The following SYNDIG1 variants were observed in gnomAD, a reference collection of about 807,000 sequenced individuals.
SYNDIG1 encodes synapse differentiation inducing 1.
In SYNDIG1, 9 loss-of-function variants were observed where a neutral mutation model predicts 19.4. The observed-to-expected ratio is 0.46, with a 90% confidence interval of 0.28 to 0.81. SYNDIG1 has a LOEUF of 0.81. SYNDIG1 is among the 30% of genes least tolerant of loss of function. The pLI is 0.12. For synonymous variants in SYNDIG1, 141 were observed against 145.9 expected (o/e 0.97, Z 0.24); for missense variants, 311 against 343.3 (o/e 0.91, Z 0.74).
At chr20:24,584,029 A>G (rs1341642798) in intron 2 of SYNDIG1, among the ~76,000 whole-genome samples, 1 of 152,192 alleles carries the variant, frequency 6.6e-6, no homozygotes, top group African/African-American at 2.4e-5. Context: ...TGAACCTAAA[A>G]AAAACTTTTT....
rs555084713 is a variant in SYNDIG1 at position 24,612,585 on chromosome 20, T to C, written c.618+27592T>C. Among the ~76,000 whole-genome samples, 51 of 152,330 alleles carry C rather than the reference T, an allele frequency of 3.3e-4. No homozygotes were observed. The South Asian group carries it at 3.5e-3, about 11-fold the overall frequency. On this transcript the variant is annotated intron_variant, in intron 3 of 3. Coordinates refer to ENST00000376862, the MANE Select transcript of SYNDIG1 (RefSeq NM_024893.3). The stretch of plus-strand genomic sequence containing the variant: ...TTATTTCCCAGTAACTTAACAGAAT[T>C]CAAAAGCTAGGAGAAAAGGCTTAAA...
chr20:24,536,801 A>G (rs2057370688), intron 1 of SYNDIG1, among the ~76,000 whole-genome samples: 1 of 152,166 alleles, frequency 6.6e-6, no homozygotes, highest in Non-Finnish European at 1.5e-5. Context: ...GGATGAGGCT[A>G]CACATTTTGC....
At chr20:24,557,872 C>T (rs565080670) in intron 2 of SYNDIG1, among the ~76,000 whole-genome samples, 4 of 152,304 alleles carry the variant, frequency 2.6e-5, no homozygotes, top group Non-Finnish European at 4.4e-5. Flanking sequence ...CCGTCTTCTG[C>T]GTCGCTCATG....
chr20:24,615,196 C>T (rs2058911469), intron 3 of SYNDIG1, among the ~76,000 whole-genome samples: 1 of 152,208 alleles, frequency 6.6e-6, no homozygotes, highest in South Asian at 2.1e-4. Flanking sequence ...AATAGCCTGC[C>T]TCTCCTGTGT....
intron 3 of SYNDIG1, among the ~76,000 whole-genome samples, chr20:24,592,600 T>C (rs1568668760): frequency 6.6e-6 from 1 of 152,148 alleles, no homozygotes; most frequent in Non-Finnish European, 1.5e-5. Context: ...GCCCCCACTT[T>C]CCAGGTTTTT....
chr20:24,586,860 C>T (rs1046739831), intron 3 of SYNDIG1, among the ~76,000 whole-genome samples: 4 of 152,162 alleles, frequency 2.6e-5, no homozygotes, highest in Non-Finnish European at 4.4e-5. Context: ...TCTGCTGCTC[C>T]GTGTGTTCAG....
intron 3 of SYNDIG1, among the ~76,000 whole-genome samples, chr20:24,651,714 C>G (rs990381628): frequency 6.6e-6 from 1 of 152,218 alleles, no homozygotes; most frequent in Non-Finnish European, 1.5e-5. Context: ...ATCCTTTCCC[C>G]TTGAATCTGG....
At chr20:24,480,306 T>G (rs537581274) in intron 1 of SYNDIG1, among the ~76,000 whole-genome samples, 227 of 152,356 alleles carry the variant, frequency 1.5e-3, no homozygotes, top group African/African-American at 5.1e-3. Context: ...TTATATTGCC[T>G]TTTGAGCTTG....
intron 3 of SYNDIG1, among the ~76,000 whole-genome samples, chr20:24,586,645 C>G (rs1192756465): frequency 6.6e-6 from 1 of 152,206 alleles, no homozygotes; most frequent in Non-Finnish European, 1.5e-5. Flanking sequence ...CGAAGCCTCC[C>G]TTGTACACTC....
chr20:24,509,215 T>A (rs903418130), intron 1 of SYNDIG1, among the ~76,000 whole-genome samples: 6 of 152,210 alleles, frequency 3.9e-5, no homozygotes, highest in African/African-American at 1.4e-4. Flanking sequence ...TGTATGTATA[T>A]GTGTGTGTGT....
At chr20:24,643,798 A>T (rs2059400797) in intron 3 of SYNDIG1, among the ~76,000 whole-genome samples, 1 of 152,242 alleles carries the variant, frequency 6.6e-6, no homozygotes, top group Admixed American at 6.5e-5. Flanking sequence ...TGTCATACAG[A>T]ATAGTTTCAG....
intron 3 of SYNDIG1, among the ~76,000 whole-genome samples, chr20:24,653,399 T>G (rs1232812563): frequency 6.6e-6 from 1 of 152,004 alleles, no homozygotes; most frequent in African/African-American, 2.4e-5. Flanking sequence ...GCAGTGCATT[T>G]CTAAGTTGTA....
At chr20:24,635,386 T>C (rs1309983821) in intron 3 of SYNDIG1, among the ~76,000 whole-genome samples, 2 of 152,184 alleles carry the variant, frequency 1.3e-5, no homozygotes, top group Admixed American at 1.3e-4. Flanking sequence ...CTTTCTGCCT[T>C]TCCGAACGCG....
At chr20:24,603,511 T>C (rs1334824663) in intron 3 of SYNDIG1, among the ~76,000 whole-genome samples, 1 of 152,108 alleles carries the variant, frequency 6.6e-6, no homozygotes, top group Non-Finnish European at 1.5e-5. Context: ...AGGCGTGCCC[T>C]GAGTGGGACA....
chr20:24,497,814 G>T (rs140499878), intron 1 of SYNDIG1, among the ~76,000 whole-genome samples: 1 of 152,224 alleles, frequency 6.6e-6, no homozygotes, highest in African/African-American at 2.4e-5. Context: ...TGGCCCCAGA[G>T]TGTATTTGAA....
intron 3 of SYNDIG1, among the ~76,000 whole-genome samples, chr20:24,665,137 G>A (rs1004879264): frequency 6.6e-6 from 1 of 152,090 alleles, no homozygotes; most frequent in African/African-American, 2.4e-5. Flanking sequence ...CCTGCGGTGT[G>A]GGGGAGCAGC....
At chr20:24,603,441 G>T (rs369417381) in intron 3 of SYNDIG1, among the ~76,000 whole-genome samples, 3 of 152,104 alleles carry the variant, frequency 2.0e-5, no homozygotes, top group African/African-American at 7.2e-5. Flanking sequence ...GTTCACAAGA[G>T]GTGTTAATTC....
At chr20:24,575,004 T>C (rs553929433) in intron 2 of SYNDIG1, among the ~76,000 whole-genome samples, 112 of 152,360 alleles carry the variant, frequency 7.4e-4, no homozygotes, top group Non-Finnish European at 1.0e-3. Flanking sequence ...CTTGTCTCCC[T>C]GGAGCACGGT....
intron 1 of SYNDIG1, among the ~76,000 whole-genome samples, chr20:24,478,763 G>T (rs1464678127): frequency 6.6e-6 from 1 of 152,222 alleles, no homozygotes; most frequent in Non-Finnish European, 1.5e-5. Flanking sequence ...GGGAGGCCCA[G>T]TTCCTAGGCC....
Sources: allele counts gnomAD v4.1 joint callset (sites outside exome capture counted in the v4.1 genomes callset), GRCh38; gene constraint gnomAD v4.1.1; transcripts MANE v1.5; gene names NCBI Gene and HGNC (gene_info 2026-07-23, HGNC 2026-07-21).